PLPPR5: variants seen among roughly 807,000 people sequenced by gnomAD.
The protein encoded by PLPPR5 is phospholipid phosphatase related 5, also known as phospholipid phosphatase-related protein type 5.
PLPPR5 carries 16 observed loss-of-function variants against 33.9 expected under a neutral mutation model. That is an observed-to-expected ratio of 0.47 (90% confidence interval 0.32 to 0.72). PLPPR5 has a LOEUF of 0.72. PLPPR5 is among the 30% of genes least tolerant of loss of function. PLPPR5 has a pLI of 0.03. For synonymous variants in PLPPR5, 163 were observed against 150.3 expected (o/e 1.08, Z -0.62); for missense variants, 301 against 406.7 (o/e 0.74, Z 2.23).
chr1:98,904,158 T>G (rs1648806255), intron 5 of PLPPR5, among the ~76,000 whole-genome samples: 1 of 152,082 alleles, frequency 6.6e-6, no homozygotes, highest in Admixed American at 6.6e-5. Context: ...AAAAGGGGTG[T>G]GCTTTTACAT....
chr1:98,896,390 C>A (rs1164432012), intron 5 of PLPPR5, among the ~76,000 whole-genome samples: 1 of 152,050 alleles, frequency 6.6e-6, no homozygotes, highest in African/African-American at 2.4e-5. Context: ...AATACTAAAT[C>A]TTTTTAGTAG....
chr1:98,960,587 G>A (rs1651209387), intron 1 of PLPPR5, among the ~76,000 whole-genome samples: 1 of 152,120 alleles, frequency 6.6e-6, no homozygotes, highest in Non-Finnish European at 1.5e-5. Flanking sequence ...CTGAGTTAAG[G>A]GCACAGTGCT....
At chr1:98,930,574 A>G (rs914110053) in intron 3 of PLPPR5, among the ~76,000 whole-genome samples, 1 of 152,194 alleles carries the variant, frequency 6.6e-6, no homozygotes, top group Non-Finnish European at 1.5e-5. Context: ...ATTGCAGCAC[A>G]TTATAGGTTT....
chr1:99,001,206 C>A (rs1652828560), intron 1 of PLPPR5, among the ~76,000 whole-genome samples: 2 of 150,004 alleles, frequency 1.3e-5, no homozygotes, highest in South Asian at 4.2e-4. Flanking sequence ...ATGATCTCTG[C>A]TCACTGCAAG....
At chr1:98,925,799 G>C (rs1649735375) in intron 3 of PLPPR5, among the ~76,000 whole-genome samples, 2 of 152,224 alleles carry the variant, frequency 1.3e-5, no homozygotes, top group South Asian at 4.1e-4. Flanking sequence ...GAATGAGCAT[G>C]AGAGTTCCAG....
chr1:98,896,549 A>G (rs1648479296), intron 5 of PLPPR5, among the ~76,000 whole-genome samples: 1 of 152,088 alleles, frequency 6.6e-6, no homozygotes, highest in African/African-American at 2.4e-5. Flanking sequence ...CATGGAGATG[A>G]CAAAGCTTGA....
intron 2 of PLPPR5, among the ~76,000 whole-genome samples, chr1:98,955,317 C>A (rs1267854367): frequency 6.6e-6 from 1 of 152,024 alleles, no homozygotes; most frequent in Admixed American, 6.6e-5. Context: ...TGTGCAAATG[C>A]AGAAAAATAT....
At chr1:98,993,482 T>C (rs1052059967) in intron 1 of PLPPR5, among the ~76,000 whole-genome samples, 8 of 152,058 alleles carry the variant, frequency 5.3e-5, no homozygotes, top group African/African-American at 1.9e-4. Flanking sequence ...CCAAAAAGAT[T>C]GTCATATAGT....
chr1:98,922,456 T>G (rs753306977), intron 3 of PLPPR5, among the ~76,000 whole-genome samples: 1 of 152,188 alleles, frequency 6.6e-6, no homozygotes, highest in Non-Finnish European at 1.5e-5. Flanking sequence ...AGTGTTTAAG[T>G]GTTTTTAATG....
chr1:98,990,582 GAAGT>G (rs1570760335), intron 1 of PLPPR5, among the ~76,000 whole-genome samples: 2 of 152,118 alleles, frequency 1.3e-5, no homozygotes, highest in South Asian at 4.1e-4. Flanking sequence ...TTCTCCATTT[GAAGT>G]AAGTGAGATT....
chr1:98,945,407 G>A (rs1650514897), intron 3 of PLPPR5, among the ~76,000 whole-genome samples: 1 of 152,134 alleles, frequency 6.6e-6, no homozygotes, highest in Non-Finnish European at 1.5e-5. Context: ...CAACTAACAA[G>A]TTTCCTTCAC....
chr1:98,947,320 G>A lies in PLPPR5; in HGVS notation c.621+5750C>T, dbSNP rs35082900. Reference sequence around the variant, plus strand: ...TTGAAGACATGGGAATTTCTGTGATGTGACTGAAGAACCAGAAAACCATTA... The same window carrying A: ...TTGAAGACATGGGAATTTCTGTGATATGACTGAAGAACCAGAAAACCATTA... On this transcript the variant is annotated intron_variant, in intron 3 of 5. Coordinates refer to ENST00000263177, the MANE Select transcript of PLPPR5 (RefSeq NM_001037317.2). Among the ~76,000 whole-genome samples, 477 of 152,298 alleles carry A rather than the reference G, an allele frequency of 3.1e-3. 2 individuals are homozygous for A. The highest frequency in any genetic ancestry group is 0.017 in the Middle Eastern group (5 of 294).
At chr1:98,908,118 G>T (rs1648975606) in intron 5 of PLPPR5, among the ~76,000 whole-genome samples, 1 of 151,828 alleles carries the variant, frequency 6.6e-6, no homozygotes, top group South Asian at 2.1e-4. Context: ...TTCTGTAAAT[G>T]AAACGGACTC....
chr1:99,004,542 A>G lies in PLPPR5; in HGVS notation c.130T>C (p.Phe44Leu). The G allele has an allele frequency of 6.2e-7, 1 of 1,613,180 alleles. No individual in the cohort carries two copies. The part of the protein sequence containing the change: ...DTFTVNVQGF[F>L]CHDSAYRKPY... ...TTGCGGTAGGCGCTGTCGTGGCAGA[A>G]GAAGCCCTGCACGTTCACGGTGAAC... Residue 44 changes from phenylalanine to leucine, a missense_variant, in exon 1 of 6, where the codon TTC becomes CTC. Transcript: ENST00000263177.
chr1:98,933,769 G>T (rs1019283196), intron 3 of PLPPR5, among the ~76,000 whole-genome samples: 4 of 152,164 alleles, frequency 2.6e-5, no homozygotes, highest in Non-Finnish European at 5.9e-5. Context: ...TGGTAAAGGG[G>T]CTGCCAGGGA....
At chr1:98,974,618 T>TTTAGGGAGCAAGGG (rs1417971354) in intron 1 of PLPPR5, among the ~76,000 whole-genome samples, 1 of 152,034 alleles carries the variant, frequency 6.6e-6, no homozygotes, top group African/African-American at 2.4e-5. Flanking sequence ...TTCTTTTCCC[T>TTTAGGGAGCAAGGG]TGCTCCCTAA....
chr1:98,974,051 G>C (rs928693639), intron 1 of PLPPR5, among the ~76,000 whole-genome samples: 7 of 151,890 alleles, frequency 4.6e-5, no homozygotes, highest in Admixed American at 3.3e-4. Context: ...AAAGCAAAAG[G>C]GCACATGCAA....
chr1:98,941,435 G>A lies in PLPPR5; in HGVS notation c.621+11635C>T, dbSNP rs966085413. Among the ~76,000 whole-genome samples the A allele has an allele frequency of 4.6e-5, 7 of 151,636 alleles. No individual in the cohort carries two copies. In the Admixed American group the frequency reaches 4.6e-4, roughly 10 times the overall value. ...TTGTGTGTGTGTTGTGGAGGTGGAA[G>A]GGGCAAACCCCATGTAACCGGTTTA... is the stretch of plus-strand genomic sequence containing the variant. On this transcript the variant is annotated intron_variant, in intron 3 of 5. Transcript: ENST00000263177.
chr1:98,912,074 TCTA>T (rs1283704482), intron 5 of PLPPR5, among the ~76,000 whole-genome samples: 3 of 152,176 alleles, frequency 2.0e-5, no homozygotes, highest in Admixed American at 6.5e-5. Flanking sequence ...TGGGCTAAAT[TCTA>T]CTATTTTTAA....
Sources: gnomAD v4.1 joint callset for allele counts (sites outside exome capture counted in the v4.1 genomes callset) on GRCh38, gnomAD v4.1.1 for gene constraint, MANE v1.5 for transcripts, NCBI Gene and HGNC (gene_info 2026-07-23, HGNC 2026-07-21) for gene names.